STOX2: variants seen among roughly 807,000 people sequenced by gnomAD.
The protein encoded by STOX2 is storkhead box 2, also known as storkhead-box protein 2.
STOX2 carries 28 observed loss-of-function variants against 60.9 expected under a neutral mutation model. The ratio of observed to expected loss-of-function variants is 0.46; its 90% CI spans 0.34 to 0.63. STOX2 has a LOEUF of 0.63. STOX2 is among the 30% of genes least tolerant of loss of function. The pLI is 0.01. For missense variants in STOX2, 1,024 were observed against 1,187.7 expected, an observed-to-expected ratio of 0.86 and a Z score of 2.03; for synonymous variants, 472 against 463.9, an observed-to-expected ratio of 1.02 and a Z score of -0.22.
intron 1 of STOX2, among the ~76,000 whole-genome samples, chr4:183,845,059 G>A (rs1739955453): frequency 1.3e-5 from 2 of 152,210 alleles, no homozygotes; most frequent in South Asian, 2.1e-4. Flanking sequence ...TCCCAATCAG[G>A]TGACCTTTCC....
intron 1 of STOX2, among the ~76,000 whole-genome samples, chr4:183,920,661 C>T (rs1476513600): frequency 6.6e-6 from 1 of 152,176 alleles, no homozygotes; most frequent in African/African-American, 2.4e-5. Context: ...CTCCTAAGAT[C>T]TGGTAAGGGG....
intron 1 of STOX2, among the ~76,000 whole-genome samples, chr4:183,879,513 G>A (rs1389110190): frequency 6.6e-6 from 1 of 152,234 alleles, no homozygotes; most frequent in Admixed American, 6.5e-5. Context: ...CTTCTCATGG[G>A]CCCTAACATC....
chr4:183,928,302 C>T (rs1002148632), intron 1 of STOX2, among the ~76,000 whole-genome samples: 7 of 152,120 alleles, frequency 4.6e-5, no homozygotes, highest in Non-Finnish European at 5.9e-5. Context: ...TTATAGCCCC[C>T]ATGGTCTCCT....
intron 1 of STOX2, chr4:183,853,417 A>G (rs1015792057): frequency 3.3e-5 from 5 of 152,188 alleles, no homozygotes; most frequent in African/African-American, 1.2e-4. Flanking sequence ...GAGTGTGGGA[A>G]AATTAACACT....
At chr4:183,964,554 G>A (rs1179966014) in intron 1 of STOX2, among the ~76,000 whole-genome samples, 1 of 152,298 alleles carries the variant, frequency 6.6e-6, no homozygotes, top group East Asian at 1.9e-4. Context: ...CCAGAGCTAA[G>A]TATAAAACAG....
At chr4:183,800,268 C>T (rs1022999701) in intron 1 of STOX2, among the ~76,000 whole-genome samples, 2 of 152,152 alleles carry the variant, frequency 1.3e-5, no homozygotes, top group African/African-American at 2.4e-5. Context: ...GGCTCACAAC[C>T]TTTTATTCTG....
At chr4:183,988,539 G>T (rs1007527344) in intron 1 of STOX2, 1 of 152,128 alleles carries the variant, frequency 6.6e-6, no homozygotes, top group Non-Finnish European at 1.5e-5. Flanking sequence ...GCCCTGAATT[G>T]TAAGAAGAGC....
chr4:183,896,502 C>T (rs538135527), intron 1 of STOX2, among the ~76,000 whole-genome samples: 22 of 152,280 alleles, frequency 1.4e-4, no homozygotes, highest in Admixed American at 2.6e-4. Context: ...CCACCATACC[C>T]GGATAATTTT....
At chr4:183,957,176 AT>A (rs1743275201) in intron 1 of STOX2, among the ~76,000 whole-genome samples, 3 of 149,628 alleles carry the variant, frequency 2.0e-5, no homozygotes, top group African/African-American at 7.3e-5. Context: ...AATAATAATA[AT>A]AATAATAAAA....
chr4:183,928,303 A>T (rs892835), intron 1 of STOX2, among the ~76,000 whole-genome samples: 1 of 151,998 alleles, frequency 6.6e-6, no homozygotes, highest in Non-Finnish European at 1.5e-5. Flanking sequence ...TATAGCCCCC[A>T]TGGTCTCCTT....
At chr4:183,819,293 G>C (rs1000879257) in intron 1 of STOX2, among the ~76,000 whole-genome samples, 1 of 152,054 alleles carries the variant, frequency 6.6e-6, no homozygotes, top group Non-Finnish European at 1.5e-5. Flanking sequence ...CTGCAATCCC[G>C]GCACCTCGGG....
intron 1 of STOX2, among the ~76,000 whole-genome samples, chr4:183,887,035 G>T (rs1741099881): frequency 6.6e-6 from 1 of 152,110 alleles, no homozygotes; most frequent in Non-Finnish European, 1.5e-5. Flanking sequence ...GAAGCAGGAG[G>T]TTTACCTGAG....
In STOX2 at chr4:184,005,474, A is replaced by AAAAAAAAAAC. The variant is rs58443213; in HGVS notation, c.320-3682_320-3681insAAAAAAACAA. Among the ~76,000 whole-genome samples the AAAAAAAAAAC allele has an allele frequency of 3.8e-4, 46 of 120,116 alleles. 2 individuals carry two copies. Among genetic ancestry groups the AAAAAAAAAAC allele is most frequent in the Non-Finnish European group, 6.3e-4 (36 of 57,506 alleles). 78.8% of individuals were successfully genotyped at this position (120,116 alleles called of 152,430 possible). A position where few individuals can be genotyped will look rare whatever the true frequency, so the allele number is the denominator to read the frequency against. Reference sequence around the variant, plus strand: ...CGATATCTCAAAAAAAAAAAAAAAAAAATTCATAGGTATAAGTAGACCACA... The same window carrying AAAAAAAAAAC: ...CGATATCTCAAAAAAAAAAAAAAAAAAAAAAAAAACAATTCATAGGTATAAGTAGACCACA... On this transcript the variant is annotated intron_variant, in intron 2 of 3. Coordinates refer to ENST00000308497, the MANE Select transcript of STOX2 (RefSeq NM_020225.3).
Position 183,856,269 on chromosome 4 carries a change from C to T in STOX2, c.364+58214C>T, listed in dbSNP as rs562995250. ...ACATGTCGACATTACTCCCCCAAGA[C>T]GAGCCTATGAACTAAAAAAATCTGC... On this transcript the variant is annotated intron_variant, in intron 1 of 2. Coordinates refer to the STOX2 transcript ENST00000513034. The surrounding 1 kb of genome is among the most constrained non-coding windows in gnomAD (Gnocchi z 4.0). Among the ~76,000 whole-genome samples, 5 of 138,718 alleles carry T rather than the reference C, an allele frequency of 3.6e-5. No individual in the cohort carries two copies. The highest frequency in any genetic ancestry group is 3.9e-4 in the East Asian group (2 of 5,138). The allele number at this position is 138,718 out of a possible 152,430, so 91.0% of individuals were successfully genotyped here. A position where few individuals can be genotyped will look rare whatever the true frequency, so the allele number is the denominator to read the frequency against.
chr4:183,954,381 C>T (rs1225026581), intron 1 of STOX2, among the ~76,000 whole-genome samples: 1 of 151,990 alleles, frequency 6.6e-6, no homozygotes, highest in Admixed American at 6.6e-5. Context: ...CTCCGCTTCC[C>T]AGGTTCAAGC....
rs953731175 is a variant in STOX2, at chr4:184,017,821, C to T, written c.*537C>T. 4.6e-5 allele frequency: 7 copies of T among 152,022 alleles called. No individual in the cohort carries two copies. The highest frequency in any genetic ancestry group is 1.7e-4 in the African/African-American group (7 of 41,444). The allele number at this position is 152,022 out of a possible 1,614,324, so 9.4% of individuals were successfully genotyped here. ...AGATGCCAAACTAACTAGAAGGGAC[C>T]CCGGCCCTTTGTGTGTGAATTGTTT... On this transcript the variant is annotated 3_prime_UTR_variant, in exon 4 of 4. Transcript: ENST00000308497.
intron 1 of STOX2, among the ~76,000 whole-genome samples, chr4:183,997,772 TA>T (rs1406072449): frequency 9.8e-5 from 15 of 152,318 alleles, no homozygotes; most frequent in African/African-American, 3.1e-4. Flanking sequence ...TGGAGACAGT[TA>T]CTTAGAACAT....
Position 183,931,188 on chromosome 4 carries a change from C to T in STOX2, c.166+24232C>T, listed in dbSNP as rs1174703694. Among the ~76,000 whole-genome samples, 5 of 152,234 alleles carry T rather than the reference C, an allele frequency of 3.3e-5. No individual in the cohort carries two copies. In the East Asian group the frequency reaches 9.6e-4, roughly 29 times the overall value. On this transcript the variant is annotated intron_variant, in intron 1 of 3. Transcript: ENST00000308497. ...CCTGTAATCCCAGCACTTTGGGAGG[C>T]CGAGGCAGGCAGATCACCTGAGGTC...
chr4:183,854,561 T>C (rs1182336537), intron 1 of STOX2, among the ~76,000 whole-genome samples: 1 of 152,222 alleles, frequency 6.6e-6, no homozygotes, highest in African/African-American at 2.4e-5. Context: ...TTATAAAAAG[T>C]AAAAGTGTTT....
Sources: allele counts gnomAD v4.1 joint callset (sites outside exome capture counted in the v4.1 genomes callset), GRCh38; gene constraint gnomAD v4.1.1; non-coding constraint Gnocchi (gnomAD v3.1); transcripts MANE v1.5; gene names NCBI Gene and HGNC (gene_info 2026-07-23, HGNC 2026-07-21).